MPPED1: variants seen among roughly 807,000 people sequenced by gnomAD.
The protein encoded by MPPED1 is metallophosphoesterase domain containing 1.
MPPED1 carries 16 observed loss-of-function variants against 36.2 expected under a neutral mutation model. The ratio of observed to expected loss-of-function variants is 0.44; its 90% confidence interval spans 0.30 to 0.67. The LOEUF (loss-of-function observed/expected upper bound fraction) is 0.67. Among genes scored for constraint, MPPED1 ranks in the 30% least tolerant of loss-of-function variants. The pLI, the probability that MPPED1 is intolerant of heterozygous loss-of-function variation, is 0.10. For synonymous variants in MPPED1, 199 were observed against 191.3 expected, an observed-to-expected ratio of 1.04 and a Z score of -0.33; for missense variants, 307 against 453.4, an observed-to-expected ratio of 0.68 and a Z score of 2.93.
rs1569094262 is a variant in MPPED1, at chr22:43,505,784, G to C, written c.*168G>C. 15 of 603,036 alleles carry C rather than the reference G, an allele frequency of 2.5e-5. No homozygotes were observed. The East Asian group carries it at 4.2e-4, about 17-fold the overall frequency. The allele number at this position is 603,036 out of a possible 1,614,324, so 37.4% of individuals were successfully genotyped here. On this transcript the variant is annotated 3_prime_UTR_variant, in exon 7 of 7. Transcript: ENST00000443721. ...ACTCTTTAGCCTTCTGTCACCTGGA[G>C]TTGGGACCCTGCGCATCCCCATCAG...
intron 3 of MPPED1, among the ~76,000 whole-genome samples, chr22:43,464,062 C>A (rs1286241618): frequency 6.6e-6 from 1 of 151,858 alleles, no homozygotes; most frequent in Non-Finnish European, 1.5e-5. Context: ...GCGCCCGCCA[C>A]CACTCCCAGC....
intron 4 of MPPED1, among the ~76,000 whole-genome samples, chr22:43,491,814 G>A (rs530015130): frequency 4.4e-4 from 66 of 150,104 alleles, no homozygotes; most frequent in African/African-American, 1.5e-3. Flanking sequence ...GGTGATGGTG[G>A]TGATGATGGA....
intron 2 of MPPED1, among the ~76,000 whole-genome samples, chr22:43,432,663 A>AGAGAGAAAGGGAG (rs1929770577): frequency 8.1e-5 from 1 of 12,318 alleles, no homozygotes; most frequent in African/African-American, 5.1e-4. Flanking sequence ...AAGGGAGGAG[A>AGAGAGAAAGGGAG]GAGAGAGAAA....
At chr22:43,485,568 C>T (rs28517465) in intron 4 of MPPED1, among the ~76,000 whole-genome samples, 51,934 of 152,004 alleles carry the variant, frequency 0.34, 10,599 homozygotes, top group Non-Finnish European at 0.45. Flanking sequence ...GACACCGCCA[C>T]GATTTCTCTT....
chr22:43,488,266 A>AT (rs1320751028), intron 4 of MPPED1, among the ~76,000 whole-genome samples: 3 of 151,904 alleles, frequency 2.0e-5, no homozygotes, highest in African/African-American at 7.3e-5. Flanking sequence ...AGGCCCCAGC[A>AT]CTCCAGGAAA....
intron 3 of MPPED1, among the ~76,000 whole-genome samples, chr22:43,456,391 A>G (rs1355062035): frequency 6.6e-6 from 1 of 152,126 alleles, no homozygotes; most frequent in Non-Finnish European, 1.5e-5. Flanking sequence ...CCTCCCAAAT[A>G]GCTGGGACTG....
chr22:43,427,797 C>T (rs1301601145), intron 2 of MPPED1, among the ~76,000 whole-genome samples: 1 of 152,046 alleles, frequency 6.6e-6, no homozygotes, highest in East Asian at 1.9e-4. Context: ...CCTGAAATTC[C>T]CCTTGCCGTG....
chr22:43,479,187 C>T (rs1270935914), intron 4 of MPPED1, among the ~76,000 whole-genome samples: 1 of 152,190 alleles, frequency 6.6e-6, no homozygotes, highest in Non-Finnish European at 1.5e-5. Context: ...GGTGATGGAG[C>T]TGCTTGTGAT....
In MPPED1 at chr22:43,502,176, G is replaced by A. The variant is rs1932751539; in HGVS notation, c.749-468G>A. Among the ~76,000 whole-genome samples the A allele has an allele frequency of 2.0e-5, 3 of 152,152 alleles. No homozygotes were observed. The highest frequency in any genetic ancestry group is 4.8e-5 in the African/African-American group (2 of 41,436). On this transcript the variant is annotated intron_variant, in intron 5 of 6. Transcript: ENST00000443721. This position sits in a 1 kb window ranked among gnomAD's most constrained non-coding sequence, Gnocchi z 5.5. ...AGTCTGTGCTGTTTAGGAAGTTTCT[G>A]ACATGGAAATCTCACTCCTGGGCTG...
chr22:43,495,389 GTAGTGATGGAGGTGGTGA>G, intron 4 of MPPED1, among the ~76,000 whole-genome samples: 1 of 108,358 alleles, frequency 9.2e-6, no homozygotes, highest in Non-Finnish European at 1.8e-5. Flanking sequence ...GATGGTGGTG[GTAGTGATGGAGGTGGTGA>G]TGGAGGTGGT....
intron 3 of MPPED1, among the ~76,000 whole-genome samples, chr22:43,442,511 C>T (rs954780308): frequency 3.3e-5 from 5 of 152,178 alleles, no homozygotes; most frequent in African/African-American, 1.2e-4. Context: ...CGCCCCTGTG[C>T]GGGGCTGCTC....
intron 1 of MPPED1, chr22:43,417,873 G>C (rs544814372): frequency 2.8e-6 from 1 of 363,324 alleles, no homozygotes; most frequent in African/African-American, 2.1e-5. Context: ...GCCCCAAGAG[G>C]AGACGGAGCC....
chr22:43,427,885 A>G (rs1200517305), intron 2 of MPPED1, among the ~76,000 whole-genome samples: 1 of 152,032 alleles, frequency 6.6e-6, no homozygotes, highest in Non-Finnish European at 1.5e-5. Context: ...TAGTCCATGC[A>G]TTCTCAGTGG....
chr22:43,475,765 T>G (rs2146886903), intron 4 of MPPED1, among the ~76,000 whole-genome samples: 1 of 124,462 alleles, frequency 8.0e-6, no homozygotes, highest in South Asian at 2.8e-4. Flanking sequence ...GTGATGATGA[T>G]GATGAGGGTG....
intron 4 of MPPED1, among the ~76,000 whole-genome samples, chr22:43,496,205 G>C (rs1932341548): frequency 8.4e-6 from 1 of 118,400 alleles, no homozygotes; most frequent in Non-Finnish European, 1.7e-5. Flanking sequence ...AGTGGTGGTG[G>C]AGGTAGTGGT....
intron 3 of MPPED1, among the ~76,000 whole-genome samples, chr22:43,446,711 G>A (rs891537037): frequency 1.3e-5 from 2 of 152,206 alleles, no homozygotes; most frequent in African/African-American, 4.8e-5. Flanking sequence ...GACACATGAA[G>A]TATGAGCACA....
At chr22:43,452,078 C>A (rs1016137561) in intron 3 of MPPED1, among the ~76,000 whole-genome samples, 1 of 150,756 alleles carries the variant, frequency 6.6e-6, no homozygotes, top group African/African-American at 2.4e-5. Flanking sequence ...AGTGCAGTGG[C>A]ATGATCTCGG....
chr22:43,448,856 C>A (rs898611075), intron 3 of MPPED1, among the ~76,000 whole-genome samples: 39 of 152,194 alleles, frequency 2.6e-4, no homozygotes, highest in Admixed American at 2.4e-3. Context: ...ACCTTGGGCT[C>A]CCGAAGTGCT....
chr22:43,454,224 G>T (rs578075351), intron 3 of MPPED1, among the ~76,000 whole-genome samples: 1 of 152,194 alleles, frequency 6.6e-6, no homozygotes, highest in East Asian at 1.9e-4. Flanking sequence ...GGCCAGGCTG[G>T]TCTCGAACTC....
Sources: allele counts gnomAD v4.1 joint callset (sites outside exome capture counted in the v4.1 genomes callset), GRCh38; gene constraint gnomAD v4.1.1; non-coding constraint Gnocchi (gnomAD v3.1); transcripts MANE v1.5; gene names NCBI Gene and HGNC (gene_info 2026-07-23, HGNC 2026-07-21).